PARD3: variants seen among roughly 807,000 people sequenced by gnomAD.
The protein encoded by PARD3 is partitioning defective 3 homolog.
In PARD3, 75 loss-of-function variants were observed where a neutral mutation model predicts 155.4. The ratio of observed to expected loss-of-function variants is 0.48; its 90% CI spans 0.40 to 0.58. The LOEUF (loss-of-function observed/expected upper bound fraction) is 0.58. Among genes scored for constraint, PARD3 ranks in the 20% least tolerant of loss-of-function variants. PARD3 has a pLI of 0.00. For missense variants in PARD3, 1,642 were observed against 1,721.7 expected (o/e 0.95, Z 0.82); for synonymous variants, 576 against 610.5 (o/e 0.94, Z 0.83).
chr10:34,763,916 C>T (rs1220703303), intron 1 of PARD3, among the ~76,000 whole-genome samples: 3 of 152,170 alleles, frequency 2.0e-5, no homozygotes, highest in African/African-American at 7.2e-5. Context: ...TAATCTCCTC[C>T]CAGCCATATA....
intron 2 of PARD3, chr10:34,675,680 A>G: frequency 5.1e-6 from 1 of 196,972 alleles, no homozygotes; most frequent in Non-Finnish European, 1.1e-5. Flanking sequence ...CCTTGGCCTG[A>G]GATTCCTTAT....
chr10:34,750,648 AT>A (rs1835911689), intron 1 of PARD3, among the ~76,000 whole-genome samples: 1 of 151,608 alleles, frequency 6.6e-6, no homozygotes, highest in Non-Finnish European at 1.5e-5. Context: ...ATGTTAATGC[AT>A]TTTTAATGTT....
chr10:34,298,000 C>T (rs1956986267), intron 20 of PARD3, among the ~76,000 whole-genome samples: 1 of 152,208 alleles, frequency 6.6e-6, no homozygotes, highest in African/African-American at 2.4e-5. Context: ...TCTGCCTCTT[C>T]CTAGCATTAT....
At chr10:34,214,578 G>A (rs1430194435) in intron 22 of PARD3, among the ~76,000 whole-genome samples, 1 of 152,054 alleles carries the variant, frequency 6.6e-6, no homozygotes. Flanking sequence ...ACCACTTCGG[G>A]AGCTCAGGCA....
At chr10:34,343,792 C>T in intron 15 of PARD3, 1 of 983,262 alleles carries the variant, frequency 1.0e-6, no homozygotes, top group Non-Finnish European at 1.2e-6. Context: ...TTTCCTCTAT[C>T]TTCAACTAGT....
In PARD3 at chr10:34,201,431, G is replaced by A. The variant is rs1464954964; in HGVS notation, c.3419+68226C>T. The stretch of plus-strand genomic sequence containing the variant: ...GCAGATCCTTATCTCAGCGTAAAAA[G>A]TTTATTTAAATAAATTATGAAGAAA... On this transcript the variant is annotated intron_variant, in intron 22 of 24. Coordinates refer to ENST00000374788, the MANE Select transcript of PARD3 (RefSeq NM_001184785.2). 2.0e-5 allele frequency among the ~76,000 whole-genome samples: 3 copies of A among 152,098 alleles called. 1 individual carries two copies. Among genetic ancestry groups the A allele is most frequent in the South Asian group, 4.2e-4 (2 of 4,812 alleles).
intron 22 of PARD3, among the ~76,000 whole-genome samples, chr10:34,173,560 A>G (rs1045102445): frequency 2.6e-5 from 4 of 152,200 alleles, no homozygotes; most frequent in African/African-American, 7.2e-5. Flanking sequence ...GAAGAATGCT[A>G]TAATTTTCCT....
chr10:34,198,736 C>T (rs1433036994), intron 22 of PARD3, among the ~76,000 whole-genome samples: 1 of 151,942 alleles, frequency 6.6e-6, no homozygotes, highest in Non-Finnish European at 1.5e-5. Context: ...CAAAAATTGC[C>T]CCAAACAGTC....
chr10:34,413,524 G>A (rs1278819934), intron 5 of PARD3, among the ~76,000 whole-genome samples: 1 of 148,380 alleles, frequency 6.7e-6, no homozygotes, highest in Non-Finnish European at 1.5e-5. Context: ...CCCTGAATCT[G>A]TCATTAGGCA....
intron 5 of PARD3, among the ~76,000 whole-genome samples, chr10:34,413,127 A>C (rs1845260858): frequency 6.9e-6 from 1 of 144,892 alleles, no homozygotes; most frequent in Non-Finnish European, 1.5e-5. Context: ...AACATTAGGC[A>C]GTACTTCAGA....
At chr10:34,607,852 T>C (rs1243257860) in intron 2 of PARD3, among the ~76,000 whole-genome samples, 1 of 152,214 alleles carries the variant, frequency 6.6e-6, no homozygotes, top group African/African-American at 2.4e-5. Context: ...TCACCTAACA[T>C]CAGATCAGAG....
chr10:34,764,201 TTGTC>T (rs1251505110), intron 1 of PARD3, among the ~76,000 whole-genome samples: 1 of 152,196 alleles, frequency 6.6e-6, no homozygotes, highest in African/African-American at 2.4e-5. Flanking sequence ...CAACAAGAGT[TTGTC>T]TGCAAGACCT....
At chr10:34,455,572 T>C (rs1485839268) in intron 4 of PARD3, among the ~76,000 whole-genome samples, 2 of 151,624 alleles carry the variant, frequency 1.3e-5, no homozygotes, top group Non-Finnish European at 2.9e-5. Flanking sequence ...ATTCATCTTC[T>C]AAAAAATAAA....
At chr10:34,272,677 G>C (rs1955677618) in intron 21 of PARD3, among the ~76,000 whole-genome samples, 1 of 152,186 alleles carries the variant, frequency 6.6e-6, no homozygotes. Context: ...AGTGAACCAT[G>C]ACTGTGCCAC....
intron 1 of PARD3, among the ~76,000 whole-genome samples, chr10:34,737,610 T>C (rs1285412965): frequency 6.6e-6 from 1 of 152,164 alleles, no homozygotes; most frequent in Non-Finnish European, 1.5e-5. Context: ...AGGAGGTGCC[T>C]TTAGAAGGAG....
chr10:34,538,989 G>T (rs1315504082), intron 2 of PARD3, among the ~76,000 whole-genome samples: 1 of 152,150 alleles, frequency 6.6e-6, no homozygotes, highest in East Asian at 1.9e-4. Context: ...TTTGTTAGAA[G>T]TACATTTGGT....
chr10:34,780,604 A>G (rs1301042101), intron 1 of PARD3, among the ~76,000 whole-genome samples: 2 of 152,226 alleles, frequency 1.3e-5, no homozygotes, highest in Non-Finnish European at 2.9e-5. Context: ...ATTCATTAAT[A>G]AAAGCACTGC....
At chr10:34,465,343 T>C (rs1362504453) in intron 4 of PARD3, among the ~76,000 whole-genome samples, 2 of 152,166 alleles carry the variant, frequency 1.3e-5, no homozygotes, top group Admixed American at 1.3e-4. Flanking sequence ...TTGGGGAACC[T>C]TGAAAAATAC....
intron 21 of PARD3, among the ~76,000 whole-genome samples, chr10:34,278,437 T>C (rs1955992974): frequency 6.6e-6 from 1 of 152,182 alleles, no homozygotes; most frequent in Non-Finnish European, 1.5e-5. Context: ...CTATCTGATA[T>C]GGTTTGGCTG....
Sources: allele counts gnomAD v4.1 joint callset (sites outside exome capture counted in the v4.1 genomes callset), GRCh38; gene constraint gnomAD v4.1.1; transcripts MANE v1.5; gene names NCBI Gene and HGNC (gene_info 2026-07-23, HGNC 2026-07-21).